Variants in CSMD1 observed in about 807,000 individuals in gnomAD.
CSMD1 encodes CUB and sushi domain-containing protein 1.
CSMD1 carries 213 observed loss-of-function variants against 417.5 expected under a neutral mutation model. That is an observed-to-expected ratio of 0.51 (90% CI 0.46 to 0.57). CSMD1 has a LOEUF of 0.57. Ranked by LOEUF, CSMD1 falls within the 20% of genes least tolerant of loss-of-function variation. The pLI is 0.00. For synonymous variants in CSMD1, 2,862 were observed against 1,736.8 expected (o/e 1.65, Z -16.11); for missense variants, 6,923 against 4,529.7 (o/e 1.53, Z -15.17).
chr8:3,802,775 C>A (rs187503490), intron 5 of CSMD1, among the ~76,000 whole-genome samples: 1 of 152,192 alleles, frequency 6.6e-6, no homozygotes, highest in East Asian at 1.9e-4. Flanking sequence ...AAATTTAAAG[C>A]TTAGCTCCCT....
intron 5 of CSMD1, among the ~76,000 whole-genome samples, chr8:3,807,202 G>A (rs575509638): frequency 6.6e-6 from 1 of 152,226 alleles, no homozygotes; most frequent in East Asian, 1.9e-4. Context: ...AAATTTTCAT[G>A]AAGAAGCCAG....
At chr8:4,835,211 G>C (rs946168296) in intron 1 of CSMD1, among the ~76,000 whole-genome samples, 1 of 151,978 alleles carries the variant, frequency 6.6e-6, no homozygotes, top group Non-Finnish European at 1.5e-5. Context: ...ATTTATTAGC[G>C]TCAGAGAGGA....
At chr8:4,135,915 T>C (rs139943461) in intron 3 of CSMD1, among the ~76,000 whole-genome samples, 1 of 152,208 alleles carries the variant, frequency 6.6e-6, no homozygotes, top group African/African-American at 2.4e-5. Flanking sequence ...ATTTAGCATA[T>C]GTTAGTTTTC....
At chr8:3,785,635 G>T (rs1261718255) in intron 5 of CSMD1, among the ~76,000 whole-genome samples, 1 of 152,204 alleles carries the variant, frequency 6.6e-6, no homozygotes, top group Non-Finnish European at 1.5e-5. Flanking sequence ...TTACCATCGA[G>T]TGTTTATTGA....
chr8:4,484,818 A>G (rs186684991), intron 2 of CSMD1, among the ~76,000 whole-genome samples: 1 of 151,856 alleles, frequency 6.6e-6, no homozygotes, highest in East Asian at 2.0e-4. Flanking sequence ...AAAATACAAA[A>G]AAAAATTAGC....
intron 5 of CSMD1, among the ~76,000 whole-genome samples, chr8:3,888,584 A>G (rs1806726585): frequency 6.6e-6 from 1 of 152,178 alleles, no homozygotes; most frequent in Non-Finnish European, 1.5e-5. Context: ...TGAGCTAATA[A>G]TGGCCCAGCT....
At chr8:4,412,211 C>G (rs563727175) in intron 3 of CSMD1, among the ~76,000 whole-genome samples, 1 of 152,148 alleles carries the variant, frequency 6.6e-6, no homozygotes, top group East Asian at 1.9e-4. Context: ...AATTGTAACC[C>G]CCAGTATTGG....
chr8:3,277,942 T>A (rs1206050720), intron 26 of CSMD1, among the ~76,000 whole-genome samples: 1 of 152,110 alleles, frequency 6.6e-6, no homozygotes, highest in Non-Finnish European at 1.5e-5. Context: ...AAAAGCTGAG[T>A]AAAAGAAAAG....
chr8:4,030,048 ACC>A (rs1311955031), intron 4 of CSMD1, among the ~76,000 whole-genome samples: 4 of 152,134 alleles, frequency 2.6e-5, no homozygotes, highest in African/African-American at 9.7e-5. Context: ...GGGCAGGTGT[ACC>A]CCTGTGACTT....
At chr8:3,991,775 G>T (rs1435306170) in intron 5 of CSMD1, among the ~76,000 whole-genome samples, 1 of 152,140 alleles carries the variant, frequency 6.6e-6, no homozygotes, top group Non-Finnish European at 1.5e-5. Flanking sequence ...AAAGGAGGAG[G>T]AAATATACCT....
chr8:3,990,097 A>G (rs1023530937), intron 5 of CSMD1, among the ~76,000 whole-genome samples: 14 of 152,190 alleles, frequency 9.2e-5, no homozygotes, highest in African/African-American at 3.1e-4. Context: ...CTCAGAAGGC[A>G]GAGTGTTTTT....
rs1430353626 is a variant in CSMD1 at position 3,853,906 on chromosome 8, AAT to A, written c.819-99866_819-99865del. Among the ~76,000 whole-genome samples the A allele has an allele frequency of 5.5e-5, 8 of 146,668 alleles. 1 individual carries two copies. Among genetic ancestry groups the A allele is most frequent in the African/African-American group, 1.2e-4 (5 of 40,352 alleles). On this transcript the variant is annotated intron_variant, in intron 5 of 69. Transcript: ENST00000635120. The stretch of plus-strand genomic sequence containing the variant: ...TTAATATATTATACTTTAATATATT[AAT>A]ACATTAAAGTATAATATATTAATAT...
chr8:4,097,703 A>G (rs942645054), intron 3 of CSMD1, among the ~76,000 whole-genome samples: 5 of 152,238 alleles, frequency 3.3e-5, no homozygotes. Flanking sequence ...GGAATTCAGA[A>G]AGAACATTCA....
intron 37 of CSMD1, among the ~76,000 whole-genome samples, chr8:3,166,199 A>G (rs977784780): frequency 1.3e-5 from 2 of 152,072 alleles, no homozygotes; most frequent in African/African-American, 4.8e-5. Flanking sequence ...AAAAAAAAAG[A>G]ATTTTAAAAA....
At chr8:4,456,079 A>G (rs1563195082) in intron 2 of CSMD1, among the ~76,000 whole-genome samples, 1 of 125,586 alleles carries the variant, frequency 8.0e-6, no homozygotes, top group African/African-American at 3.0e-5. Context: ...AAAAAAAAAA[A>G]AAATGTGAAA....
intron 2 of CSMD1, among the ~76,000 whole-genome samples, chr8:4,585,721 A>C (rs765075247): frequency 6.6e-6 from 1 of 152,216 alleles, no homozygotes; most frequent in Non-Finnish European, 1.5e-5. Context: ...TTAAAGTGCT[A>C]TAATAAAATG....
chr8:4,602,629 G>A lies in CSMD1; in HGVS notation c.302+34713C>T, dbSNP rs532742173. On this transcript the variant is annotated intron_variant, in intron 2 of 69. Transcript: ENST00000635120. ...ATAAAATTCAAAGAAGTTTGAAGGCGTATTTTCTTATCATGTTAGGGCAAG... is the reference window on the plus strand; with the variant it reads ...ATAAAATTCAAAGAAGTTTGAAGGCATATTTTCTTATCATGTTAGGGCAAG... 4.2e-4 allele frequency among the ~76,000 whole-genome samples: 64 copies of A among 152,270 alleles called. 1 individual carries two copies. Among genetic ancestry groups the A allele is most frequent in the African/African-American group, 1.3e-3 (54 of 41,548 alleles).
chr8:4,547,523 C>G (rs1797689467), intron 2 of CSMD1, among the ~76,000 whole-genome samples: 1 of 152,202 alleles, frequency 6.6e-6, no homozygotes, highest in South Asian at 2.1e-4. Flanking sequence ...CCTATGCACA[C>G]TCTGCTCTCA....
chr8:4,640,117 G>A (rs148476200), intron 1 of CSMD1, among the ~76,000 whole-genome samples: 1 of 152,204 alleles, frequency 6.6e-6, no homozygotes, highest in African/African-American at 2.4e-5. Context: ...CAGATGAACA[G>A]ATATGAAGAT....
Sources: allele counts gnomAD v4.1 joint callset (sites outside exome capture counted in the v4.1 genomes callset), GRCh38; gene constraint gnomAD v4.1.1; transcripts MANE v1.5; gene names NCBI Gene and HGNC (gene_info 2026-07-23, HGNC 2026-07-21).